The following TAFA2 variants were observed in gnomAD, a reference collection of about 807,000 sequenced individuals.
TAFA2 encodes the protein chemokine-like protein TAFA-2.
In TAFA2, 7 loss-of-function variants were observed where a neutral mutation model predicts 18.8. The observed-to-expected ratio is 0.37, with a 90% CI of 0.21 to 0.70. The LOEUF is 0.70. TAFA2 is among the 30% of genes least tolerant of loss of function. TAFA2 has a pLI of 0.53. For synonymous variants in TAFA2, 60 were observed against 54.2 expected (o/e 1.11, Z -0.47); for missense variants, 122 against 158.1 (o/e 0.77, Z 1.23).
In TAFA2 at chr12:62,026,966, G is replaced by A. The variant is rs543069074; in HGVS notation, c.-1-159540C>T. ...TCTTTCCTTTAAAAATCAACAGCTC[G>A]AAGACGTATTTTTTCCCAGCGAATT... On this transcript the variant is annotated intron_variant, in intron 1 of 4. Coordinates refer to ENST00000416284, the MANE Select transcript of TAFA2 (RefSeq NM_178539.5). Among the ~76,000 whole-genome samples, 8 of 152,062 alleles carry A rather than the reference G, an allele frequency of 5.3e-5. No homozygotes were observed. The East Asian group carries it at 9.7e-4, about 18-fold the overall frequency.
chr12:61,867,553 T>C (rs1470488896), intron 1 of TAFA2, 127 bp from the exon 2 acceptor site: 5 of 604,760 alleles, frequency 8.3e-6, no homozygotes, highest in East Asian at 2.8e-5. Flanking sequence ...GTATTTCTTG[T>C]ATTTAAAATG....
intron 1 of TAFA2, among the ~76,000 whole-genome samples, chr12:62,250,897 G>C (rs751996418): frequency 6.7e-6 from 1 of 149,708 alleles, no homozygotes; most frequent in Non-Finnish European, 1.5e-5. Flanking sequence ...GAGGATGAGA[G>C]ATATGTGGAA....
chr12:62,097,946 C>T (rs955565186), intron 1 of TAFA2, among the ~76,000 whole-genome samples: 1 of 152,098 alleles, frequency 6.6e-6, no homozygotes, highest in Non-Finnish European at 1.5e-5. Flanking sequence ...AGCTGAACCC[C>T]GGAAAACTAA....
At chr12:62,200,451 C>T (rs2062666548) in intron 1 of TAFA2, among the ~76,000 whole-genome samples, 1 of 152,110 alleles carries the variant, frequency 6.6e-6, no homozygotes, top group Admixed American at 6.6e-5. Context: ...AGGAAAGGGT[C>T]CAGTTTCATT....
In TAFA2 at chr12:62,039,723, AT is replaced by A. The variant is rs573888363; in HGVS notation, c.-2+151535del. Among the ~76,000 whole-genome samples, 7 of 152,334 alleles carry A rather than the reference AT, an allele frequency of 4.6e-5. No individual in the cohort carries two copies. In the South Asian group the frequency reaches 1.4e-3, roughly 32 times the overall value. On this transcript the variant is annotated intron_variant, in intron 1 of 4. Transcript: ENST00000416284. The stretch of plus-strand genomic sequence containing the variant: ...TGTTGCATGAACAATCCTGAGATGC[AT>A]ATACACTTGCACAATCAACTTACAA...
chr12:62,041,760 T>C (rs567907085), intron 1 of TAFA2, among the ~76,000 whole-genome samples: 1 of 152,178 alleles, frequency 6.6e-6, no homozygotes, highest in African/African-American at 2.4e-5. Context: ...GTGCTTTTAT[T>C]AACATCATGT....
At chr12:61,982,975 C>T (rs1308498612) in intron 1 of TAFA2, among the ~76,000 whole-genome samples, 1 of 151,658 alleles carries the variant, frequency 6.6e-6, no homozygotes, top group Non-Finnish European at 1.5e-5. Context: ...TCCCATGGAC[C>T]CACACTGTAT....
At chr12:62,060,648 A>G (rs1044686738) in intron 1 of TAFA2, among the ~76,000 whole-genome samples, 1 of 152,202 alleles carries the variant, frequency 6.6e-6, no homozygotes, top group Non-Finnish European at 1.5e-5. Flanking sequence ...CCAGAAGAAG[A>G]CATTGATATT....
At chr12:61,881,078 A>T (rs750288226) in intron 1 of TAFA2, among the ~76,000 whole-genome samples, 23 of 148,184 alleles carry the variant, frequency 1.6e-4, no homozygotes, top group Admixed American at 2.7e-4. Flanking sequence ...AAAATAGAAT[A>T]TGTTAAAATA....
chr12:62,112,464 C>T lies in TAFA2; in HGVS notation c.-2+78795G>A, dbSNP rs371103532. ...CTTGGTTAATCTGATGATTATGTGT[C>T]TTGGGATTGCTCTTCTCAAGGAGTA... is the stretch of plus-strand genomic sequence containing the variant. On this transcript the variant is annotated intron_variant, in intron 1 of 4. Transcript: ENST00000416284. Among the ~76,000 whole-genome samples the T allele has an allele frequency of 2.0e-5, 3 of 152,012 alleles. No homozygotes were observed. In the East Asian group the frequency reaches 5.8e-4, roughly 29 times the overall value.
At chr12:62,213,139 AC>A (rs2062720760) in intron 1 of TAFA2, among the ~76,000 whole-genome samples, 1 of 152,082 alleles carries the variant, frequency 6.6e-6, no homozygotes. Flanking sequence ...CTGCTCATAT[AC>A]CCCACCACGG....
At position 61,712,836 on chromosome 12, in the gene TAFA2, G is replaced by T. The variant is rs141515311; in HGVS notation, c.385-2419C>A. Among the ~76,000 whole-genome samples, 260 of 151,062 alleles carry T rather than the reference G, an allele frequency of 1.7e-3. 3 individuals are homozygous for T. In the South Asian group the frequency reaches 0.033, roughly 19 times the overall value. The stretch of plus-strand genomic sequence containing the variant: ...TTTTTTTTTTTGATTATTTGATTTT[G>T]ACCAAGAGGACACATGGTGATTCGG... On this transcript the variant is annotated intron_variant, in intron 4 of 4. Coordinates refer to ENST00000416284, the MANE Select transcript of TAFA2 (RefSeq NM_178539.5).
At chr12:61,937,879 A>G (rs1273365598) in intron 1 of TAFA2, among the ~76,000 whole-genome samples, 2 of 152,190 alleles carry the variant, frequency 1.3e-5, no homozygotes, top group Non-Finnish European at 2.9e-5. Flanking sequence ...ACAAAATGGG[A>G]AAGAATATTA....
chr12:62,066,904 T>G (rs553697715), intron 1 of TAFA2, among the ~76,000 whole-genome samples: 72 of 152,220 alleles, frequency 4.7e-4, no homozygotes, highest in African/African-American at 1.7e-3. Flanking sequence ...CTCTCTATAG[T>G]GGTTGTACTA....
chr12:62,239,224 T>C (rs749138956), intron 1 of TAFA2, among the ~76,000 whole-genome samples: 9 of 152,234 alleles, frequency 5.9e-5, no homozygotes, highest in Non-Finnish European at 1.0e-4. Context: ...GGGCTGATTA[T>C]ATTTTCTAAA....
intron 4 of TAFA2, among the ~76,000 whole-genome samples, chr12:61,721,486 C>G (rs970909556): frequency 1.3e-5 from 2 of 152,186 alleles, no homozygotes; most frequent in East Asian, 1.9e-4. Context: ...TAAATGGAAC[C>G]AAGTCACTTA....
intron 1 of TAFA2, among the ~76,000 whole-genome samples, chr12:61,960,529 T>C (rs924403440): frequency 2.6e-5 from 4 of 152,068 alleles, no homozygotes; most frequent in African/African-American, 7.2e-5. Context: ...TTTACCATTG[T>C]TCTAATTTCT....
chr12:61,869,311 A>G (rs922739663), intron 1 of TAFA2, among the ~76,000 whole-genome samples: 1 of 152,230 alleles, frequency 6.6e-6, no homozygotes, highest in African/African-American at 2.4e-5. Flanking sequence ...GACGAAGATA[A>G]TAATATGTAC....
rs529022101 is a variant in TAFA2, at chr12:62,010,734, G to C, written c.-1-143308C>G. On this transcript the variant is annotated intron_variant, in intron 1 of 4. Transcript: ENST00000416284. ...GCCTCTGCCCGGCCGCCCCGTCTGG[G>C]AGGTGAGGGGCGTCTCTGCCCGGCC... 3.3e-5 allele frequency among the ~76,000 whole-genome samples: 5 copies of C among 149,538 alleles called. No individual in the cohort carries two copies. In the East Asian group the frequency reaches 1.0e-3, roughly 30 times the overall value.
Sources: gnomAD v4.1 joint callset for allele counts (sites outside exome capture counted in the v4.1 genomes callset) on GRCh38, gnomAD v4.1.1 for gene constraint, MANE v1.5 for transcripts, NCBI Gene and HGNC (gene_info 2026-07-23, HGNC 2026-07-21) for gene names.